Variants in TBC1D9 observed in about 807,000 individuals in gnomAD.
TBC1D9 encodes the protein TBC1 domain family member 9.
Under a neutral mutation model 132.0 loss-of-function variants are expected in TBC1D9, and 63 were observed. The observed-to-expected ratio is 0.48, with a 90% CI of 0.39 to 0.59. TBC1D9 has a LOEUF of 0.59. Ranked by LOEUF, TBC1D9 falls within the 20% of genes least tolerant of loss-of-function variation. The pLI is 0.00. For missense variants in TBC1D9, 1,261 were observed against 1,592.7 expected (o/e 0.79, Z 3.54); for synonymous variants, 610 against 609.9 (o/e 1.00, Z 0.00).
In TBC1D9 at chr4:140,621,122, A is replaced by C. The variant is rs1736606745; in HGVS notation, c.*1073T>G. 6.6e-6 allele frequency: 1 copy of C among 152,654 alleles called. No homozygotes were observed. Among genetic ancestry groups the C allele is most frequent in the African/African-American group, 2.4e-5 (1 of 41,474 alleles). 9.5% of individuals were successfully genotyped at this position (152,654 alleles called of 1,614,324 possible). On this transcript the variant is annotated 3_prime_UTR_variant, in exon 21 of 21. Transcript: ENST00000442267. ...CACATCCATTCAGGAAATAGAGCAT[A>C]CTATTCTTTTATATAAAGTGACAAG...
intron 13 of TBC1D9, among the ~76,000 whole-genome samples, chr4:140,652,166 C>T (rs538355937): frequency 2.0e-5 from 3 of 151,546 alleles, no homozygotes; most frequent in East Asian, 1.9e-4. Flanking sequence ...ACATGAACCC[C>T]GGAGGTGGAG....
At chr4:140,655,678 A>C (rs1379750604) in intron 13 of TBC1D9, among the ~76,000 whole-genome samples, 1 of 152,168 alleles carries the variant, frequency 6.6e-6, no homozygotes, top group Non-Finnish European at 1.5e-5. Flanking sequence ...CCTTCACCCC[A>C]AAAAGCGTAT....
intron 13 of TBC1D9, among the ~76,000 whole-genome samples, chr4:140,646,563 G>A (rs1004921614): frequency 1.3e-5 from 2 of 152,176 alleles, no homozygotes; most frequent in Non-Finnish European, 2.9e-5. Flanking sequence ...ATCAGTCTGT[G>A]TAGTGGACTC....
intron 13 of TBC1D9, chr4:140,644,095 G>T: frequency 2.5e-6 from 1 of 394,854 alleles, no homozygotes; most frequent in Non-Finnish European, 4.9e-6. Flanking sequence ...AGCACATCAG[G>T]GGCCAGGCCA....
chr4:140,657,211 C>G lies in TBC1D9; in HGVS notation c.2223G>C (p.Val741=). Reference sequence around the variant, plus strand: ...GAGGCAGTGTGCTGTCTTTATTGGTCACACTGTCTAAATACCTGGAAGAAG... The same window carrying G: ...GAGGCAGTGTGCTGTCTTTATTGGTGACACTGTCTAAATACCTGGAAGAAG... ...MTVLGRYLDS[V]TNKDSTLPPI... Residue 741 remains valine (V), a synonymous_variant, in exon 13 of 21, where the codon GTG becomes GTC. Transcript: ENST00000442267. 6.2e-7 allele frequency: 1 copy of G among 1,613,808 alleles called. No individual in the cohort carries two copies. Among genetic ancestry groups the G allele is most frequent in the Non-Finnish European group, 8.5e-7 (1 of 1,179,810 alleles).
chr4:140,661,071 C>T (rs146567104), intron 10 of TBC1D9, among the ~76,000 whole-genome samples: 16 of 152,106 alleles, frequency 1.1e-4, no homozygotes, highest in African/African-American at 1.9e-4. Flanking sequence ...CCTGCCACCA[C>T]GCCTGGCTAA....
At chr4:140,680,691 G>A (rs369991046) in intron 3 of TBC1D9, among the ~76,000 whole-genome samples, 6 of 152,010 alleles carry the variant, frequency 3.9e-5, no homozygotes, top group Non-Finnish European at 7.3e-5. Context: ...TGCTCCCACC[G>A]CATCACTGTA....
chr4:140,654,563 A>T (rs1477440484), intron 13 of TBC1D9, among the ~76,000 whole-genome samples: 2 of 152,192 alleles, frequency 1.3e-5, no homozygotes, highest in Admixed American at 6.5e-5. Context: ...CTTGGTCCAG[A>T]ATTCTTTTAA....
At chr4:140,654,888 G>A (rs1057464894) in intron 13 of TBC1D9, among the ~76,000 whole-genome samples, 1 of 151,932 alleles carries the variant, frequency 6.6e-6, no homozygotes, top group Non-Finnish European at 1.5e-5. Flanking sequence ...TCAGAGATGT[G>A]ATATTTGGGT....
Position 140,662,122 on chromosome 4 carries a change from A to G in TBC1D9, c.1589-15T>C. 6.2e-7 allele frequency: 1 copy of G among 1,602,448 alleles called. No homozygotes were observed. The highest frequency in any genetic ancestry group is 1.1e-5 in the South Asian group (1 of 90,828). On this transcript the variant is annotated splice_polypyrimidine_tract_variant and intron_variant, in intron 9 of 20. Coordinates refer to ENST00000442267, the MANE Select transcript of TBC1D9 (RefSeq NM_015130.3). ...ATTGATGGCACCTGAGATATATCCA[A>G]CAGATACAGTATCAAAAACGTGAGA... is the stretch of plus-strand genomic sequence containing the variant.
At chr4:140,701,441 T>A in intron 2 of TBC1D9, 63 bp downstream of exon 2, 1 of 1,265,618 alleles carries the variant, frequency 7.9e-7, no homozygotes, top group Admixed American at 1.9e-5. Flanking sequence ...TTCCTTCTGA[T>A]AAAAAGTTGT....
intron 2 of TBC1D9, among the ~76,000 whole-genome samples, chr4:140,688,970 A>G (rs899960050): frequency 3.9e-5 from 6 of 152,124 alleles, no homozygotes; most frequent in Non-Finnish European, 8.8e-5. Context: ...CGGCAGACAC[A>G]GAGAGAGCCC....
At chr4:140,739,825 A>T (rs1738731928) in intron 1 of TBC1D9, among the ~76,000 whole-genome samples, 1 of 152,066 alleles carries the variant, frequency 6.6e-6, no homozygotes, top group Non-Finnish European at 1.5e-5. Context: ...CAATAACAAG[A>T]CCCTATCATA....
intron 1 of TBC1D9, among the ~76,000 whole-genome samples, chr4:140,707,221 T>C (rs1478440526): frequency 1.3e-5 from 2 of 152,196 alleles, no homozygotes; most frequent in South Asian, 2.1e-4. Flanking sequence ...TTAATTTTCT[T>C]GTTTATTGGC....
intron 13 of TBC1D9, among the ~76,000 whole-genome samples, chr4:140,656,270 A>T (rs1289443433): frequency 6.6e-6 from 1 of 152,222 alleles, no homozygotes; most frequent in African/African-American, 2.4e-5. Context: ...ACAGTGTTGG[A>T]AAGTGGGGTC....
At chr4:140,635,270 G>A (rs1736860423) in intron 15 of TBC1D9, among the ~76,000 whole-genome samples, 1 of 152,062 alleles carries the variant, frequency 6.6e-6, no homozygotes, top group African/African-American at 2.4e-5. Flanking sequence ...CTGAGCCCAG[G>A]AATTAGAGAA....
At chr4:140,717,470 TC>T in intron 1 of TBC1D9, among the ~76,000 whole-genome samples, 1 of 152,214 alleles carries the variant, frequency 6.6e-6, no homozygotes, top group Non-Finnish European at 1.5e-5. Context: ...CCATGCATAA[TC>T]CTTTTAGACA....
At chr4:140,675,269 T>C (rs1014159560) in intron 6 of TBC1D9, among the ~76,000 whole-genome samples, 1 of 151,644 alleles carries the variant, frequency 6.6e-6, no homozygotes, top group African/African-American at 2.4e-5. Context: ...ATATTACTCT[T>C]AAAACAAGAA....
chr4:140,701,662 T>G (rs1415601365), intron 1 of TBC1D9, 48 bp from the exon 2 acceptor site: 1 of 1,413,990 alleles, frequency 7.1e-7, no homozygotes, highest in Non-Finnish European at 1.0e-6. Context: ...CCTTAGTACT[T>G]TCCCACATTC....
Sources: gnomAD v4.1 joint callset for allele counts (sites outside exome capture counted in the v4.1 genomes callset) on GRCh38, gnomAD v4.1.1 for gene constraint, MANE v1.5 for transcripts, NCBI Gene and HGNC (gene_info 2026-07-23, HGNC 2026-07-21) for gene names.